Variants in GALNT11 observed in about 807,000 individuals in gnomAD.
GALNT11 encodes the protein UDP-GalNAc:polypeptide N-acetylgalactosaminyltransferase 11.
Under a neutral mutation model 72.7 loss-of-function variants are expected in GALNT11, and 47 were observed. The observed-to-expected ratio is 0.65, with a 90% CI of 0.51 to 0.82. The LOEUF (loss-of-function observed/expected upper bound fraction) is 0.82. Ranked by LOEUF, GALNT11 falls within the 40% of genes least tolerant of loss-of-function variation. The probability of loss-of-function intolerance (pLI) is 0.00; values close to 1 mark genes in which losing one functional copy is unlikely to be tolerated. For synonymous variants in GALNT11, 270 were observed against 286.6 expected (o/e 0.94, Z 0.58); for missense variants, 677 against 778.4 (o/e 0.87, Z 1.55).
intron 5 of GALNT11, among the ~76,000 whole-genome samples, chr7:152,106,065 G>A (rs2087519101): frequency 6.6e-6 from 1 of 152,046 alleles, no homozygotes; most frequent in African/African-American, 2.4e-5. Context: ...TTACCTATGT[G>A]TAATTGGTCT....
intron 6 of GALNT11, among the ~76,000 whole-genome samples, chr7:152,108,505 G>A (rs544973534): frequency 6.6e-6 from 1 of 152,336 alleles, no homozygotes; most frequent in South Asian, 2.1e-4. Context: ...CAAGGACTTA[G>A]AGCCTGTGAG....
rs1479922537 is a variant in GALNT11 at position 152,121,581 on chromosome 7, G to C, written c.1731G>C (p.Gln577His). 1 of 1,614,142 alleles carries C rather than the reference G, an allele frequency of 6.2e-7. No individual in the cohort carries two copies. The highest frequency in any genetic ancestry group is 8.5e-7 in the Non-Finnish European group (1 of 1,180,016). Reference protein sequence around the residue: ...NNRLYQVSVGQCLRAVDPLGQ... With the variant: ...NNRLYQVSVGHCLRAVDPLGQ... ...GGCTATACCAGGTGTCGGTTGGACA[G>C]TGCCTGAGAGCAGTGGATCCCCTGG... The change falls in exon 12 of 12, where the codon CAG becomes CAC. Residue 577 changes from glutamine to histidine, a missense_variant. Transcript: ENST00000430044.
chr7:152,045,876 T>C lies in GALNT11; in HGVS notation c.-39+19992T>C, dbSNP rs146922807. ...GCTTTCTCTGCATCTTTAAGATGCA[T>C]AATTAGGTGGTTTATTTGGAGTTTT... On this transcript the variant is annotated intron_variant, in intron 1 of 11. Coordinates refer to ENST00000430044, the MANE Select transcript of GALNT11 (RefSeq NM_022087.4). Among the ~76,000 whole-genome samples, 1,055 of 152,214 alleles carry C rather than the reference T, an allele frequency of 6.9e-3. 9 individuals are homozygous for C. Among genetic ancestry groups the C allele is most frequent in the African/African-American group, 0.024 (1,007 of 41,568 alleles).
intron 10 of GALNT11, 163 bp from the exon 11 acceptor site, chr7:152,120,668 C>T: frequency 1.6e-6 from 1 of 625,166 alleles, no homozygotes; most frequent in Non-Finnish European, 2.8e-6. Context: ...CCTTAGCTAT[C>T]TGAAGTGGAA....
chr7:152,108,927 A>G (rs2087875995), intron 6 of GALNT11, among the ~76,000 whole-genome samples: 1 of 152,242 alleles, frequency 6.6e-6, no homozygotes, highest in Admixed American at 6.5e-5. Flanking sequence ...ACTTTCTCCA[A>G]ACAATGCCAG....
chr7:152,050,419 GT>G (rs1334825886), intron 1 of GALNT11, among the ~76,000 whole-genome samples: 1 of 152,222 alleles, frequency 6.6e-6, no homozygotes, highest in Non-Finnish European at 1.5e-5. Flanking sequence ...GGGACATTTG[GT>G]GTCCAGGGTC....
chr7:152,083,633 G>C (rs1234927803), intron 1 of GALNT11, among the ~76,000 whole-genome samples: 1 of 151,994 alleles, frequency 6.6e-6, no homozygotes, highest in Non-Finnish European at 1.5e-5. Context: ...CACCCCACTA[G>C]TTCTTTTTCC....
At chr7:152,086,390 T>C (rs1412901038) in intron 1 of GALNT11, among the ~76,000 whole-genome samples, 2 of 152,358 alleles carry the variant, frequency 1.3e-5, no homozygotes, top group East Asian at 3.9e-4. Context: ...TTATGCTTAA[T>C]TGTATAAAAG....
intron 1 of GALNT11, among the ~76,000 whole-genome samples, chr7:152,070,769 A>G (rs1010596659): frequency 1.4e-4 from 21 of 152,194 alleles, no homozygotes; most frequent in Admixed American, 9.8e-4. Context: ...TGAGGGGACC[A>G]TTATCGGGGA....
chr7:152,111,341 A>C (rs528498792), intron 7 of GALNT11, among the ~76,000 whole-genome samples: 1 of 152,134 alleles, frequency 6.6e-6, no homozygotes, highest in Admixed American at 6.5e-5. Flanking sequence ...TTTTGTAGAG[A>C]TGCGAGTCTC....
At chr7:152,105,493 G>A in intron 5 of GALNT11, 123 bp downstream of exon 5, 12 of 1,401,260 alleles carry the variant, frequency 8.6e-6, no homozygotes, top group Non-Finnish European at 1.1e-5. Flanking sequence ...GCCAGCAGGA[G>A]AGATGAGGCT....
chr7:152,065,231 C>T (rs2084241473), intron 1 of GALNT11, among the ~76,000 whole-genome samples: 1 of 152,212 alleles, frequency 6.6e-6, no homozygotes, highest in Admixed American at 6.5e-5. Context: ...ACCCTTTCTT[C>T]CAGTTGATCT....
chr7:152,118,822 G>A (rs1366114722), intron 10 of GALNT11, 40 bp downstream of exon 10: 5 of 1,539,530 alleles, frequency 3.2e-6, no homozygotes, highest in Non-Finnish European at 4.4e-6. Context: ...TGTCCGCAAG[G>A]AGGCTTCCAG....
In GALNT11 at chr7:152,118,737, A is replaced by G; in HGVS notation, c.1512A>G (p.Gly504=). ...CCCAGGGCCGCCCAAGTCAGAAGGGAGGTCTCGTGGTGCTTAAGGCCTGTG... is the reference window on the plus strand; with the variant it reads ...CCCAGGGCCGCCCAAGTCAGAAGGGGGGTCTCGTGGTGCTTAAGGCCTGTG... ...LVAQGRPSQK[G]GLVVLKACDY... The change falls in exon 10 of 12, where the codon GGA becomes GGG. Residue 504 remains glycine, a synonymous_variant. Transcript: ENST00000430044. 1 of 1,611,868 alleles carries G rather than the reference A, an allele frequency of 6.2e-7. No homozygotes were observed. The highest frequency in any genetic ancestry group is 8.5e-7 in the Non-Finnish European group (1 of 1,179,262).
At chr7:152,111,347 G>A (rs1345681979) in intron 7 of GALNT11, among the ~76,000 whole-genome samples, 13 of 152,158 alleles carry the variant, frequency 8.5e-5, no homozygotes, top group Admixed American at 7.9e-4. Context: ...AGAGATGCGA[G>A]TCTCACTATG....
At chr7:152,057,165 T>G (rs2083730043) in intron 1 of GALNT11, among the ~76,000 whole-genome samples, 1 of 151,926 alleles carries the variant, frequency 6.6e-6, no homozygotes, top group African/African-American at 2.4e-5. Flanking sequence ...CCAGATACTT[T>G]CTTTTTTAAA....
At chr7:152,085,425 A>G (rs1163220424) in intron 1 of GALNT11, among the ~76,000 whole-genome samples, 1 of 152,128 alleles carries the variant, frequency 6.6e-6, no homozygotes, top group African/African-American at 2.4e-5. Flanking sequence ...AGAATTTGTC[A>G]CTAGTTGTTT....
chr7:152,028,869 A>G (rs145414796), intron 1 of GALNT11, among the ~76,000 whole-genome samples: 1 of 152,284 alleles, frequency 6.6e-6, no homozygotes, highest in Non-Finnish European at 1.5e-5. Flanking sequence ...AGTTGAGCTC[A>G]TTTGGAGTTC....
chr7:152,114,949 C>T (rs562272258), intron 8 of GALNT11, among the ~76,000 whole-genome samples: 4 of 152,252 alleles, frequency 2.6e-5, no homozygotes, highest in South Asian at 2.1e-4. Flanking sequence ...TTTTTCACAC[C>T]GTGAGGGAAA....
Sources: gnomAD v4.1 joint callset for allele counts (sites outside exome capture counted in the v4.1 genomes callset) on GRCh38, gnomAD v4.1.1 for gene constraint, MANE v1.5 for transcripts, NCBI Gene and HGNC (gene_info 2026-07-23, HGNC 2026-07-21) for gene names.